Variants in ATRNL1 observed in about 807,000 individuals in gnomAD.
The protein encoded by ATRNL1 is attractin-like protein 1.
A neutral mutation model predicts 182.7 loss-of-function variants in ATRNL1; 95 were observed. That is an observed-to-expected ratio of 0.52 (90% CI 0.44 to 0.62). The LOEUF is 0.62. Ranked by LOEUF, ATRNL1 falls within the 20% of genes least tolerant of loss-of-function variation. The pLI is 0.00. For missense variants in ATRNL1, 1,471 were observed against 1,679.5 expected, an observed-to-expected ratio of 0.88 and a Z score of 2.17; for synonymous variants, 576 against 568.3, an observed-to-expected ratio of 1.01 and a Z score of -0.19.
intron 26 of ATRNL1, among the ~76,000 whole-genome samples, chr10:115,685,845 T>C (rs1946200718): frequency 6.6e-6 from 1 of 151,764 alleles, no homozygotes; most frequent in Non-Finnish European, 1.5e-5. Flanking sequence ...GTAATTTAAT[T>C]ATCAAAATTT....
intron 28 of ATRNL1, among the ~76,000 whole-genome samples, chr10:115,886,893 A>G (rs1273866523): frequency 6.6e-6 from 1 of 152,230 alleles, no homozygotes; most frequent in Non-Finnish European, 1.5e-5. Flanking sequence ...TGTTATAAAC[A>G]TTCTAAGGCT....
At chr10:115,676,424 A>G (rs1555043013) in intron 26 of ATRNL1, among the ~76,000 whole-genome samples, 2 of 152,094 alleles carry the variant, frequency 1.3e-5, no homozygotes, top group African/African-American at 4.8e-5. Flanking sequence ...AAAATTTAGT[A>G]GAATTATTTA....
At chr10:115,096,880 C>G in intron 1 of ATRNL1, 2 of 977,612 alleles carry the variant, frequency 2.0e-6, no homozygotes, top group East Asian at 7.6e-5. Flanking sequence ...CAAAGCTAGA[C>G]TAAAGGACTT....
At chr10:115,271,449 A>G (rs1554913032) in intron 13 of ATRNL1, among the ~76,000 whole-genome samples, 1 of 151,664 alleles carries the variant, frequency 6.6e-6, no homozygotes, top group African/African-American at 2.4e-5. Flanking sequence ...CCACCCCACG[A>G]CAGGCCCCGG....
At chr10:115,855,443 T>C (rs1038103343) in intron 28 of ATRNL1, among the ~76,000 whole-genome samples, 33 of 152,228 alleles carry the variant, frequency 2.2e-4, no homozygotes, top group Admixed American at 7.2e-4. Context: ...TATGTTCTTT[T>C]CTTTTTTCCC....
chr10:115,244,782 C>T (rs1850560444), intron 10 of ATRNL1, among the ~76,000 whole-genome samples: 1 of 152,220 alleles, frequency 6.6e-6, no homozygotes, highest in South Asian at 2.1e-4. Flanking sequence ...AGATAACCTT[C>T]TATTTAGAAT....
At chr10:115,389,588 A>G (rs1484803270) in intron 19 of ATRNL1, among the ~76,000 whole-genome samples, 2 of 94,856 alleles carry the variant, frequency 2.1e-5, no homozygotes, top group Non-Finnish European at 4.0e-5. Context: ...ATATATATAT[A>G]TATTTCATCC....
chr10:115,514,849 T>C (rs1850560636), intron 24 of ATRNL1, among the ~76,000 whole-genome samples: 1 of 151,924 alleles, frequency 6.6e-6, no homozygotes, highest in African/African-American at 2.4e-5. Flanking sequence ...ATGTGCCACT[T>C]GCTCTTTGAA....
chr10:115,885,687 G>T (rs572293879), intron 28 of ATRNL1, among the ~76,000 whole-genome samples: 1 of 152,120 alleles, frequency 6.6e-6, no homozygotes, highest in Non-Finnish European at 1.5e-5. Flanking sequence ...GAATCTCACT[G>T]TATCTACATA....
At chr10:115,746,425 T>G (rs545603093) in intron 27 of ATRNL1, among the ~76,000 whole-genome samples, 1 of 152,234 alleles carries the variant, frequency 6.6e-6, no homozygotes, top group Non-Finnish European at 1.5e-5. Flanking sequence ...AAAATCATTA[T>G]ACCTGAATGG....
intron 9 of ATRNL1, among the ~76,000 whole-genome samples, chr10:115,228,447 C>A (rs1282128915): frequency 6.6e-6 from 1 of 152,120 alleles, no homozygotes; most frequent in East Asian, 1.9e-4. Flanking sequence ...CATTTTATAG[C>A]CTTGTTAAAT....
chr10:115,526,613 T>A (rs184566377), intron 25 of ATRNL1, among the ~76,000 whole-genome samples: 5 of 152,310 alleles, frequency 3.3e-5, no homozygotes, highest in Non-Finnish European at 4.4e-5. Context: ...CCAACATGGA[T>A]GTTGTCCTCT....
chr10:115,331,658 A>G (rs1855229064), intron 18 of ATRNL1, among the ~76,000 whole-genome samples: 1 of 150,808 alleles, frequency 6.6e-6, no homozygotes, highest in Admixed American at 6.6e-5. Flanking sequence ...ATGTTTATTG[A>G]CAAATTAGGT....
Position 115,690,294 on chromosome 10 carries a change from G to C in ATRNL1, c.3796-36954G>C, listed in dbSNP as rs76393113. Among the ~76,000 whole-genome samples the C allele has an allele frequency of 4.5e-3, 684 of 152,146 alleles. 5 individuals are homozygous for C. The highest frequency in any genetic ancestry group is 7.7e-3 in the Non-Finnish European group (526 of 67,992). ...TTTCTACAGATGGGGGTGGGTATTG[G>C]GGGGAGATACTTTCAGGATGAAACT... On this transcript the variant is annotated intron_variant, in intron 26 of 28. Transcript: ENST00000355044.
At chr10:115,920,794 G>A (rs1259955422) in intron 28 of ATRNL1, among the ~76,000 whole-genome samples, 9 of 152,124 alleles carry the variant, frequency 5.9e-5, no homozygotes, top group East Asian at 1.9e-4. Context: ...AAAAGAAGTC[G>A]TTTAAACCCA....
At chr10:115,573,410 T>C (rs1854523263) in intron 26 of ATRNL1, among the ~76,000 whole-genome samples, 1 of 151,604 alleles carries the variant, frequency 6.6e-6, no homozygotes, top group Admixed American at 6.6e-5. Flanking sequence ...GCTGGTCTGC[T>C]CTGGAGCTTG....
chr10:115,295,893 A>G (rs1020661699), intron 15 of ATRNL1, among the ~76,000 whole-genome samples: 1 of 152,030 alleles, frequency 6.6e-6, no homozygotes, highest in Non-Finnish European at 1.5e-5. Context: ...TACTGGAGAG[A>G]TGCAGAGGCT....
intron 27 of ATRNL1, among the ~76,000 whole-genome samples, chr10:115,733,227 A>G (rs1947851639): frequency 1.3e-5 from 2 of 152,144 alleles, no homozygotes; most frequent in Admixed American, 1.3e-4. Flanking sequence ...TTATTTCATT[A>G]GTATTCTCTG....
intron 26 of ATRNL1, among the ~76,000 whole-genome samples, chr10:115,575,639 T>G (rs1854655799): frequency 6.6e-6 from 1 of 152,122 alleles, no homozygotes; most frequent in East Asian, 1.9e-4. Context: ...ATATTCTTTT[T>G]TATTTTTTAT....
Sources: allele counts gnomAD v4.1 joint callset (sites outside exome capture counted in the v4.1 genomes callset), GRCh38; gene constraint gnomAD v4.1.1; transcripts MANE v1.5; gene names NCBI Gene and HGNC (gene_info 2026-07-23, HGNC 2026-07-21).